The following RBPJ variants were observed in gnomAD, a reference collection of about 807,000 sequenced individuals.
RBPJ encodes the protein recombination signal binding protein for immunoglobulin kappa J region.
A neutral mutation model predicts 67.8 loss-of-function variants in RBPJ; 9 were observed. The ratio of observed to expected loss-of-function variants is 0.13; its 90% confidence interval spans 0.08 to 0.23. RBPJ has a LOEUF of 0.23. Among genes scored for constraint, RBPJ ranks in the 10% least tolerant of loss-of-function variants. The probability of loss-of-function intolerance (pLI) is 1.00; values close to 1 mark genes in which losing one functional copy is unlikely to be tolerated. For synonymous variants in RBPJ, 198 were observed against 203.3 expected, an observed-to-expected ratio of 0.97 and a Z score of 0.22; for missense variants, 305 against 595.6, an observed-to-expected ratio of 0.51 and a Z score of 5.08.
chr4:26,114,497 A>ATATATATATATATATATATATATATGTG, the RBPJ span, among the ~76,000 whole-genome samples: 12 of 140,022 alleles, frequency 8.6e-5, no homozygotes, highest in African/African-American at 3.3e-4. Context: ...ATATATATAT[A>ATATATATATATATATATATATATATGTG]TGTATGTGTG....
the RBPJ span, among the ~76,000 whole-genome samples, chr4:26,158,233 T>C: frequency 6.6e-6 from 1 of 152,152 alleles, no homozygotes; most frequent in Non-Finnish European, 1.5e-5. Context: ...GTGGAGACTG[T>C]CTAAGGATGG....
At chr4:26,370,144 TATA>T (rs1385691378) in intron 1 of RBPJ, among the ~76,000 whole-genome samples, 1 of 152,122 alleles carries the variant, frequency 6.6e-6, no homozygotes, top group Non-Finnish European at 1.5e-5. Context: ...CCTTGTCAAA[TATA>T]ATAACTGGAC....
At chr4:26,252,669 C>T (rs977580938) in intron 1 of RBPJ, among the ~76,000 whole-genome samples, 10 of 152,138 alleles carry the variant, frequency 6.6e-5, no homozygotes, top group East Asian at 1.9e-4. Flanking sequence ...GAGTTGCATA[C>T]GTTGCTCGAG....
At chr4:26,108,802 A>G in the RBPJ span, among the ~76,000 whole-genome samples, 1 of 152,206 alleles carries the variant, frequency 6.6e-6, no homozygotes, top group African/African-American at 2.4e-5. Flanking sequence ...AGATTAAGGG[A>G]TTGAGTCCCC....
At chr4:26,405,676 T>G (rs1409666122) in intron 2 of RBPJ, among the ~76,000 whole-genome samples, 1 of 152,184 alleles carries the variant, frequency 6.6e-6, no homozygotes, top group Non-Finnish European at 1.5e-5. Flanking sequence ...CTTATAGGAT[T>G]GTCATTTTAG....
intron 2 of RBPJ, among the ~76,000 whole-genome samples, chr4:26,397,313 A>G (rs746429809): frequency 6.6e-6 from 1 of 152,154 alleles, no homozygotes; most frequent in Non-Finnish European, 1.5e-5. Context: ...GGGGGTGCGT[A>G]TAAATCAGGA....
At chr4:26,301,408 C>T (rs1315728910) in intron 1 of RBPJ, among the ~76,000 whole-genome samples, 3 of 151,834 alleles carry the variant, frequency 2.0e-5, no homozygotes, top group South Asian at 2.1e-4. Context: ...TTGGCTCACA[C>T]GGTGAAACCC....
At chr4:26,220,339 C>A (rs1718860302) in intron 1 of RBPJ, among the ~76,000 whole-genome samples, 1 of 152,142 alleles carries the variant, frequency 6.6e-6, no homozygotes, top group South Asian at 2.1e-4. Context: ...TTGCAATAGT[C>A]ATTCTCCCTA....
chr4:26,310,925 G>A (rs971614984), intron 1 of RBPJ, among the ~76,000 whole-genome samples: 20 of 152,162 alleles, frequency 1.3e-4, no homozygotes, highest in African/African-American at 3.9e-4. Flanking sequence ...CCGCCTCAGC[G>A]TCCCCAAGTG....
chr4:26,411,455 G>A (rs1734005355), intron 3 of RBPJ, among the ~76,000 whole-genome samples: 1 of 151,730 alleles, frequency 6.6e-6, no homozygotes, highest in South Asian at 2.1e-4. Flanking sequence ...CGTATTTTAG[G>A]GGATGATGAT....
chr4:26,350,690 A>G (rs1158913978), intron 1 of RBPJ, among the ~76,000 whole-genome samples: 1 of 152,200 alleles, frequency 6.6e-6, no homozygotes, highest in Non-Finnish European at 1.5e-5. Flanking sequence ...CAGCAAATGT[A>G]AAGACCTGTA....
chr4:26,244,171 ATACACATATATGTATACATATATGTGTC>A (rs1560225833), intron 1 of RBPJ, among the ~76,000 whole-genome samples: 1 of 145,812 alleles, frequency 6.9e-6, no homozygotes, highest in East Asian at 2.0e-4. Context: ...ATATATATGT[ATACACATATATGTATACATATATGTGTC>A]TATATATGTA....
the RBPJ span, among the ~76,000 whole-genome samples, chr4:26,143,352 G>A: frequency 2.6e-5 from 4 of 152,214 alleles, no homozygotes; most frequent in East Asian, 1.9e-4. Flanking sequence ...GTTGTATCAC[G>A]TCACTCCTGT....
intron 1 of RBPJ, among the ~76,000 whole-genome samples, chr4:26,295,344 T>C (rs1020387351): frequency 2.6e-5 from 4 of 151,950 alleles, no homozygotes; most frequent in Admixed American, 6.6e-5. Flanking sequence ...AGATGCTTCT[T>C]CCCTTCCATT....
At chr4:26,320,892 CGGCGAGGGGAAAGGGAGCGCGGG>C, upstream of RBPJ, 2 of 1,576,680 alleles carry the variant, frequency 1.3e-6, no homozygotes, top group Middle Eastern at 1.8e-4. Flanking sequence ...TTCGCGGCGG[CGGCGAGGGGAAAGGGAGCGCGGG>C]GGCTGGGTGG....
chr4:26,129,251 T>C, the RBPJ span, among the ~76,000 whole-genome samples: 1 of 152,172 alleles, frequency 6.6e-6, no homozygotes, highest in Non-Finnish European at 1.5e-5. Context: ...GTGTTCTGTT[T>C]CCCAGCCCAG....
the RBPJ span, among the ~76,000 whole-genome samples, chr4:26,142,052 G>A: frequency 6.6e-6 from 1 of 152,332 alleles, no homozygotes; most frequent in South Asian, 2.1e-4. Flanking sequence ...GATGTTCCTT[G>A]CCGTGGTTAA....
chr4:26,338,099 T>G, intron 1 of RBPJ, among the ~76,000 whole-genome samples: 1 of 151,148 alleles, frequency 6.6e-6, no homozygotes, highest in Admixed American at 6.6e-5. Context: ...TTTGTTGTTT[T>G]TTTTTCATCT....
At chr4:26,174,369 G>A (rs112742527) in intron 1 of RBPJ, among the ~76,000 whole-genome samples, 11 of 152,308 alleles carry the variant, frequency 7.2e-5, no homozygotes, top group African/African-American at 2.4e-4. Flanking sequence ...ACTGTTAACC[G>A]AATGATAAGG....
Sources: allele counts gnomAD v4.1 joint callset (sites outside exome capture counted in the v4.1 genomes callset), GRCh38; gene constraint gnomAD v4.1.1; transcripts MANE v1.5; gene names NCBI Gene and HGNC (gene_info 2026-07-23, HGNC 2026-07-21).